The following ELOVL6 variants were observed in gnomAD, a reference collection of about 807,000 sequenced individuals.
ELOVL6 encodes ELOVL fatty acid elongase 6, also known as very long chain fatty acid elongase 6.
A neutral mutation model predicts 31.7 loss-of-function variants in ELOVL6; 8 were observed. The observed-to-expected ratio is 0.25, with a 90% CI of 0.15 to 0.45. The LOEUF is 0.45. ELOVL6 is among the 20% of genes least tolerant of loss of function. The probability of loss-of-function intolerance (pLI) is 1.00; values close to 1 mark genes in which losing one functional copy is unlikely to be tolerated. For missense variants in ELOVL6, 126 were observed against 326.4 expected, an observed-to-expected ratio of 0.39 and a Z score of 4.73; for synonymous variants, 101 against 117.7, an observed-to-expected ratio of 0.86 and a Z score of 0.92.
rs140593620 is a variant in ELOVL6 at position 110,169,238 on chromosome 4, G to GTTTTTTTTT, written c.89+29008_89+29009insAAAAAAAAA. Among the ~76,000 whole-genome samples the GTTTTTTTTT allele has an allele frequency of 6.6e-5, 9 of 136,728 alleles. 1 individual carries two copies. The highest frequency in any genetic ancestry group is 3.1e-5 in the Non-Finnish European group (2 of 64,672). 89.7% of individuals were successfully genotyped at this position (136,728 alleles called of 152,430 possible). A position where few individuals can be genotyped will look rare whatever the true frequency, so the allele number is the denominator to read the frequency against. On this transcript the variant is annotated intron_variant, in intron 1 of 3. Transcript: ENST00000302274. ...CCCCAACAGAGTTTTGGGGTTTTTT[G>GTTTTTTTTT]TTTTGTTTTTTTTTTTTTGAGACGG...
chr4:110,107,563 A>T (rs2126247410), intron 1 of ELOVL6, among the ~76,000 whole-genome samples: 1 of 152,350 alleles, frequency 6.6e-6, no homozygotes, highest in Non-Finnish European at 1.5e-5. Context: ...AATTTTGTGG[A>T]AACTTTAACT....
At position 110,084,401 on chromosome 4, in the gene ELOVL6, G is replaced by T. The variant is rs150252093; in HGVS notation, c.221+21096C>A. Among the ~76,000 whole-genome samples, 28 of 17,512 alleles carry T rather than the reference G, an allele frequency of 1.6e-3. 3 individuals are homozygous for T. Among genetic ancestry groups the T allele is most frequent in the South Asian group, 4.0e-3 (2 of 500 alleles). The allele number at this position is 17,512 out of a possible 152,430, so 11.5% of individuals were successfully genotyped here. On this transcript the variant is annotated intron_variant, in intron 2 of 3. Transcript: ENST00000302274. ...GATATATATCGCATATATGATATAT[G>T]ATATATGACATACATGATATATCAC...
chr4:110,087,450 C>T (rs1756298096), intron 2 of ELOVL6, among the ~76,000 whole-genome samples: 1 of 152,184 alleles, frequency 6.6e-6, no homozygotes, highest in South Asian at 2.1e-4. Context: ...CCCTGACTCA[C>T]ATTTTTTTCC....
chr4:110,192,336 G>A (rs549590450), intron 1 of ELOVL6, among the ~76,000 whole-genome samples: 10 of 152,228 alleles, frequency 6.6e-5, no homozygotes, highest in South Asian at 2.1e-4. Flanking sequence ...AGAAGGTTAC[G>A]AGGAAGATTT....
At chr4:110,158,129 G>T (rs1003842729) in intron 1 of ELOVL6, among the ~76,000 whole-genome samples, 8 of 152,032 alleles carry the variant, frequency 5.3e-5, no homozygotes, top group Admixed American at 2.0e-4. Flanking sequence ...GCCCTTGTTG[G>T]CAATTTGACA....
chr4:110,084,568 A>ATATT (rs1756174155), intron 2 of ELOVL6, among the ~76,000 whole-genome samples: 2 of 39,478 alleles, frequency 5.1e-5, no homozygotes, highest in African/African-American at 1.9e-4. Context: ...ACACAGATAT[A>ATATT]TATATATATA....
chr4:110,142,291 C>A (rs554202291), intron 1 of ELOVL6, among the ~76,000 whole-genome samples: 4 of 151,836 alleles, frequency 2.6e-5, no homozygotes, highest in South Asian at 2.1e-4. Flanking sequence ...ATGATCCATC[C>A]GCCTTGGCCT....
At chr4:110,107,803 G>A (rs944415719) in intron 1 of ELOVL6, among the ~76,000 whole-genome samples, 4 of 152,126 alleles carry the variant, frequency 2.6e-5, no homozygotes, top group Admixed American at 2.6e-4. Context: ...AAGGTAATAA[G>A]TGACAATAAT....
At chr4:110,057,568 C>A (rs774301240) in intron 3 of ELOVL6, among the ~76,000 whole-genome samples, 2 of 151,956 alleles carry the variant, frequency 1.3e-5, no homozygotes, top group Non-Finnish European at 2.9e-5. Context: ...AAAAAAGCCA[C>A]AGCCGGGCAC....
At chr4:110,092,452 T>G (rs1247344871) in intron 2 of ELOVL6, among the ~76,000 whole-genome samples, 1 of 152,114 alleles carries the variant, frequency 6.6e-6, no homozygotes, top group Non-Finnish European at 1.5e-5. Flanking sequence ...GGGTGACCAA[T>G]TTCTCTTTAA....
intron 1 of ELOVL6, among the ~76,000 whole-genome samples, chr4:110,189,613 A>AGAG (rs1271684965): frequency 9.5e-5 from 10 of 105,186 alleles, no homozygotes; most frequent in Non-Finnish European, 1.7e-4. Flanking sequence ...AAAAAAAAAA[A>AGAG]AGAGAGAGAG....
chr4:110,087,061 T>C (rs1457641154), intron 2 of ELOVL6, among the ~76,000 whole-genome samples: 1 of 152,144 alleles, frequency 6.6e-6, no homozygotes, highest in Non-Finnish European at 1.5e-5. Flanking sequence ...TTCTCTATTC[T>C]CAAGAGGGGG....
chr4:110,140,607 A>G (rs1026735905), intron 1 of ELOVL6, among the ~76,000 whole-genome samples: 2 of 151,902 alleles, frequency 1.3e-5, no homozygotes, highest in South Asian at 2.1e-4. Flanking sequence ...GCACTTCTCA[A>G]TTGTAACCAA....
intron 2 of ELOVL6, among the ~76,000 whole-genome samples, chr4:110,104,879 T>C (rs932389759): frequency 4.6e-5 from 7 of 152,198 alleles, no homozygotes; most frequent in African/African-American, 1.7e-4. Flanking sequence ...AGCTGACAGA[T>C]GCCCTGAGAG....
chr4:110,071,170 G>T (rs950124822), intron 2 of ELOVL6, among the ~76,000 whole-genome samples: 1 of 152,076 alleles, frequency 6.6e-6, no homozygotes, highest in Non-Finnish European at 1.5e-5. Context: ...CATAAGCTCC[G>T]GCTCTTCCAT....
At chr4:110,060,692 T>A (rs2126222634) in intron 2 of ELOVL6, among the ~76,000 whole-genome samples, 1 of 152,004 alleles carries the variant, frequency 6.6e-6, no homozygotes, top group African/African-American at 2.4e-5. Flanking sequence ...TGTCCCAGAG[T>A]GTGTGAACCA....
At chr4:110,136,059 G>A (rs1419915897) in intron 1 of ELOVL6, among the ~76,000 whole-genome samples, 1 of 152,158 alleles carries the variant, frequency 6.6e-6, no homozygotes, top group Non-Finnish European at 1.5e-5. Flanking sequence ...GCTTCTTAAA[G>A]CATTGATCAC....
chr4:110,089,400 T>C (rs957953196), intron 2 of ELOVL6, among the ~76,000 whole-genome samples: 7 of 152,142 alleles, frequency 4.6e-5, no homozygotes, highest in African/African-American at 9.7e-5. Flanking sequence ...TTTTCATATA[T>C]GTAGGTTCCT....
At chr4:110,158,657 A>ATATATTTTTTTTTTTTT in intron 1 of ELOVL6, among the ~76,000 whole-genome samples, 1 of 74,160 alleles carries the variant, frequency 1.3e-5, no homozygotes, top group Non-Finnish European at 2.3e-5. Context: ...ATATATATAT[A>ATATATTTTTTTTTTTTT]TTTTTTTTTT....
Sources: gnomAD v4.1 joint callset for allele counts (sites outside exome capture counted in the v4.1 genomes callset) on GRCh38, gnomAD v4.1.1 for gene constraint, MANE v1.5 for transcripts, NCBI Gene and HGNC (gene_info 2026-07-23, HGNC 2026-07-21) for gene names.